PUS7: variants seen among roughly 807,000 people sequenced by gnomAD.
The protein encoded by PUS7 is pseudouridylate synthase 7 homolog.
Under a neutral mutation model 79.8 loss-of-function variants are expected in PUS7, and 48 were observed. The observed-to-expected ratio is 0.60, with a 90% CI of 0.48 to 0.76. PUS7 has a LOEUF of 0.76. Among genes scored for constraint, PUS7 ranks in the 30% least tolerant of loss-of-function variants. The pLI, the probability that PUS7 is intolerant of heterozygous loss-of-function variation, is 0.00. For missense variants in PUS7, 729 were observed against 797.6 expected (o/e 0.91, Z 1.04); for synonymous variants, 286 against 272.2 (o/e 1.05, Z -0.50).
At position 105,472,183 on chromosome 7, in the gene PUS7, G is replaced by A. The variant is rs1398677030; in HGVS notation, c.1186C>T (p.Gln396Ter). The part of the protein sequence containing the change: ...PTYQVGRAIL[Q>*]NSWTEVMDLI... ...TCCATGACTTCTGTCCAGGAATTTT[G>A]TAGTATAGCTCTAAAATTAAACAAC... is the stretch of plus-strand genomic sequence containing the variant. The change falls in exon 10 of 16, where the codon CAA becomes TAA. Residue 396 changes from glutamine to a stop codon, truncating the protein, a stop_gained. Coordinates refer to ENST00000469408, the MANE Select transcript of PUS7 (RefSeq NM_019042.5). LOFTEE classifies it high-confidence loss of function. 3 of 1,585,100 alleles carry A rather than the reference G, an allele frequency of 1.9e-6. No homozygotes were observed. The highest frequency in any genetic ancestry group is 2.7e-5 in the African/African-American group (2 of 74,332).
At chr7:105,516,137 G>T (rs987051793) in intron 1 of PUS7, among the ~76,000 whole-genome samples, 3 of 151,922 alleles carry the variant, frequency 2.0e-5, no homozygotes, top group Non-Finnish European at 4.4e-5. Flanking sequence ...TAGATACCAG[G>T]TTTTACCAGG....
At chr7:105,491,317 A>C (rs754152489) in intron 7 of PUS7, among the ~76,000 whole-genome samples, 18 of 152,248 alleles carry the variant, frequency 1.2e-4, no homozygotes, top group Non-Finnish European at 2.4e-4. Context: ...AGAGAGAAAG[A>C]AGCATTATTC....
Position 105,508,459 on chromosome 7 carries a change from G to A in PUS7, c.54C>T (p.Val18=), listed in dbSNP as rs760385249. ...CTGGGACTCCACTGTCATTATCTTC[G>A]ACAACCAGTGCCCCACGTTTCAGCG... is the stretch of plus-strand genomic sequence containing the variant. ...GVSLKRGALV[V]EDNDSGVPVE... Residue 18 remains valine, a synonymous_variant, in exon 2 of 16, where the codon GTC becomes GTT. Coordinates refer to ENST00000469408, the MANE Select transcript of PUS7 (RefSeq NM_019042.5). The A allele has an allele frequency of 7.4e-6, 12 of 1,614,012 alleles. No individual in the cohort carries two copies. Among genetic ancestry groups the A allele is most frequent in the East Asian group, 6.7e-5 (3 of 44,876 alleles).
intron 6 of PUS7, among the ~76,000 whole-genome samples, chr7:105,492,802 C>G (rs6960696): frequency 6.6e-6 from 1 of 151,798 alleles, no homozygotes; most frequent in Non-Finnish European, 1.5e-5. Context: ...CCACCGCGCC[C>G]GGCCGATTTT....
chr7:105,461,028 A>G (rs1312270682), intron 14 of PUS7, among the ~76,000 whole-genome samples: 2 of 152,092 alleles, frequency 1.3e-5, no homozygotes, highest in Non-Finnish European at 2.9e-5. Context: ...CCATCACACC[A>G]GGCTAATTTT....
intron 6 of PUS7, 31 bp downstream of exon 6, chr7:105,495,107 TTTGA>T (rs1486294640): frequency 7.8e-7 from 1 of 1,283,500 alleles, no homozygotes; most frequent in Non-Finnish European, 1.1e-6. Flanking sequence ...TTTCTGTTGC[TTTGA>T]TTTTGTATAG....
chr7:105,489,595 C>T (rs1824701570), intron 7 of PUS7, among the ~76,000 whole-genome samples: 1 of 152,170 alleles, frequency 6.6e-6, no homozygotes, highest in African/African-American at 2.4e-5. Context: ...TATTTGTACA[C>T]ACCACCAGTA....
chr7:105,509,591 C>T (rs1389511753), intron 1 of PUS7, among the ~76,000 whole-genome samples: 1 of 152,006 alleles, frequency 6.6e-6, no homozygotes, highest in East Asian at 1.9e-4. Flanking sequence ...CTGCCTCAGC[C>T]TCCCCAGCAG....
At chr7:105,465,949 G>A (rs1360704792) in intron 12 of PUS7, among the ~76,000 whole-genome samples, 1 of 152,286 alleles carries the variant, frequency 6.6e-6, no homozygotes, top group East Asian at 1.9e-4. Flanking sequence ...CTTGAGCCCA[G>A]GAGTTCCAGA....
chr7:105,488,737 C>T (rs531527166), intron 7 of PUS7, among the ~76,000 whole-genome samples: 2 of 152,176 alleles, frequency 1.3e-5, no homozygotes, highest in Non-Finnish European at 2.9e-5. Flanking sequence ...ATAAGTATTG[C>T]TGTTTAAAAA....
chr7:105,475,262 T>C (rs917414924), intron 9 of PUS7, among the ~76,000 whole-genome samples: 1 of 152,154 alleles, frequency 6.6e-6, no homozygotes, highest in Admixed American at 6.5e-5. Flanking sequence ...CTCGGCTCAC[T>C]GCAAGCTCCG....
intron 12 of PUS7, among the ~76,000 whole-genome samples, chr7:105,467,286 A>G (rs1487051373): frequency 1.0e-5 from 1 of 98,670 alleles, no homozygotes; most frequent in Non-Finnish European, 2.2e-5. Context: ...GAGTTTGAAG[A>G]AACTCTTCTT....
At position 105,482,285 on chromosome 7, in the gene PUS7, T is replaced by G. The variant is rs192011853; in HGVS notation, c.1049+27A>C. The G allele has an allele frequency of 2.5e-6, 4 of 1,608,532 alleles. No individual in the cohort carries two copies. The African/African-American group carries it at 5.3e-5, about 22-fold the overall frequency. On this transcript the variant is annotated intron_variant, in intron 8 of 15. Coordinates refer to ENST00000469408, the MANE Select transcript of PUS7 (RefSeq NM_019042.5). ...AAGATGCCCTGGCCAGACCCTCTGG[T>G]CTACATTCCCACCTGCAGTTCTTTA...
chr7:105,484,197 T>G (rs1289845901), intron 7 of PUS7, among the ~76,000 whole-genome samples: 1 of 152,208 alleles, frequency 6.6e-6, no homozygotes, highest in East Asian at 1.9e-4. Flanking sequence ...TGTGTAAAAA[T>G]CCTGTTCCCC....
At chr7:105,498,949 A>G (rs1303112746) in intron 5 of PUS7, among the ~76,000 whole-genome samples, 1 of 152,170 alleles carries the variant, frequency 6.6e-6, no homozygotes, top group Admixed American at 6.6e-5. Flanking sequence ...CCTTGCATAT[A>G]TAAATAACTC....
chr7:105,515,681 G>A (rs1370719409), intron 1 of PUS7, among the ~76,000 whole-genome samples: 1 of 152,068 alleles, frequency 6.6e-6, no homozygotes, highest in East Asian at 1.9e-4. Context: ...AGGCTGGAGT[G>A]CAGTGGCACA....
intron 7 of PUS7, among the ~76,000 whole-genome samples, chr7:105,488,578 C>G (rs1824647108): frequency 6.6e-6 from 1 of 152,084 alleles, no homozygotes; most frequent in Non-Finnish European, 1.5e-5. Flanking sequence ...CTGTCATGGA[C>G]TGGGTTATAA....
chr7:105,462,871 T>A, intron 13 of PUS7, 121 bp from the exon 14 acceptor site: 2 of 917,118 alleles, frequency 2.2e-6, no homozygotes, highest in Non-Finnish European at 3.3e-6. Context: ...ATTAGTCACC[T>A]TAATTTATAA....
At chr7:105,480,572 T>C (rs1824280235) in intron 9 of PUS7, among the ~76,000 whole-genome samples, 1 of 151,952 alleles carries the variant, frequency 6.6e-6, no homozygotes, top group Non-Finnish European at 1.5e-5. Context: ...AGGTTGGGAG[T>C]TCGAGACCAG....
Sources: allele counts gnomAD v4.1 joint callset (sites outside exome capture counted in the v4.1 genomes callset), GRCh38; gene constraint gnomAD v4.1.1; transcripts MANE v1.5; gene names NCBI Gene and HGNC (gene_info 2026-07-23, HGNC 2026-07-21).